TENM3: variants seen among roughly 807,000 people sequenced by gnomAD.
TENM3 encodes the protein teneurin-3.
In TENM3, 63 loss-of-function variants were observed where a neutral mutation model predicts 255.1. The observed-to-expected ratio is 0.25, with a 90% CI of 0.20 to 0.30. The LOEUF (loss-of-function observed/expected upper bound fraction) is 0.30. Ranked by LOEUF, TENM3 falls within the 10% of genes least tolerant of loss-of-function variation. The probability of loss-of-function intolerance (pLI) is 1.00; values close to 1 mark genes in which losing one functional copy is unlikely to be tolerated. For missense variants in TENM3, 2,929 were observed against 3,461.1 expected (o/e 0.85, Z 3.86); for synonymous variants, 1,306 against 1,322.3 (o/e 0.99, Z 0.27).
chr4:181,824,005 A>G, the TENM3 span, among the ~76,000 whole-genome samples: 3 of 152,148 alleles, frequency 2.0e-5, no homozygotes, highest in Admixed American at 1.3e-4. Context: ...TCCTAAAAAG[A>G]TACAGATATA....
At chr4:182,140,292 A>C (rs926902185), upstream of TENM3, among the ~76,000 whole-genome samples, 1 of 152,170 alleles carries the variant, frequency 6.6e-6, no homozygotes, top group Middle Eastern at 3.2e-3. Flanking sequence ...TCTGTTCTAA[A>C]GTGGCCCATC....
intron 23 of TENM3, 125 bp downstream of exon 23, chr4:182,773,772 A>G (rs1764461065): frequency 1.3e-6 from 1 of 773,904 alleles, no homozygotes; most frequent in South Asian, 1.9e-5. Context: ...AATATTGGTG[A>G]CATAATCTAC....
chr4:181,675,683 A>T, the TENM3 span, among the ~76,000 whole-genome samples: 1 of 152,268 alleles, frequency 6.6e-6, no homozygotes, highest in African/African-American at 2.4e-5. Context: ...CATCGGGTAG[A>T]AAGCCTGATT....
chr4:182,689,420 G>A (rs978361452), intron 12 of TENM3, among the ~76,000 whole-genome samples: 2 of 152,160 alleles, frequency 1.3e-5, no homozygotes, highest in African/African-American at 4.8e-5. Flanking sequence ...ATTGTCACAA[G>A]TGTGTCATTA....
At chr4:181,837,991 A>G in the TENM3 span, among the ~76,000 whole-genome samples, 1 of 152,056 alleles carries the variant, frequency 6.6e-6, no homozygotes, top group African/African-American at 2.4e-5. Flanking sequence ...TACAAAAATT[A>G]CCTGGGCGTT....
At chr4:181,868,721 T>G in the TENM3 span, among the ~76,000 whole-genome samples, 1 of 152,200 alleles carries the variant, frequency 6.6e-6, no homozygotes, top group African/African-American at 2.4e-5. Context: ...TTTGCATGGT[T>G]TCTCAAAGCA....
chr4:182,294,776 C>G (rs985996031), intron 1 of TENM3, among the ~76,000 whole-genome samples: 1 of 152,164 alleles, frequency 6.6e-6, no homozygotes, highest in African/African-American at 2.4e-5. Context: ...CGTATAGACA[C>G]AAACTAAAAA....
At chr4:181,651,280 C>T in the TENM3 span, among the ~76,000 whole-genome samples, 109 of 152,244 alleles carry the variant, frequency 7.2e-4, no homozygotes, top group Non-Finnish European at 1.2e-3. Flanking sequence ...ACTATAATCC[C>T]ATGTAATAAA....
chr4:182,691,118 T>C (rs1242454612), intron 12 of TENM3, among the ~76,000 whole-genome samples: 3 of 152,252 alleles, frequency 2.0e-5, no homozygotes, highest in African/African-American at 7.2e-5. Flanking sequence ...CACCATAGTT[T>C]CCTGGTTAGG....
the TENM3 span, among the ~76,000 whole-genome samples, chr4:182,001,245 A>T: frequency 2.0e-5 from 3 of 151,776 alleles, no homozygotes; most frequent in Middle Eastern, 3.2e-3. Flanking sequence ...TTTTCAATAT[A>T]AAAAAAACTC....
the TENM3 span, among the ~76,000 whole-genome samples, chr4:181,609,482 TC>T: frequency 6.6e-6 from 1 of 152,230 alleles, no homozygotes; most frequent in African/African-American, 2.4e-5. Context: ...AGAACAGTTG[TC>T]TGACCTTTTT....
At chr4:182,384,117 C>G (rs1032873704) in intron 3 of TENM3, among the ~76,000 whole-genome samples, 2 of 151,952 alleles carry the variant, frequency 1.3e-5, no homozygotes, top group East Asian at 3.9e-4. Context: ...TGAGAAAAGC[C>G]CTTGGACGTG....
chr4:181,484,179 T>A, the TENM3 span, among the ~76,000 whole-genome samples: 1 of 152,068 alleles, frequency 6.6e-6, no homozygotes, highest in Non-Finnish European at 1.5e-5. Context: ...TACTGTGCTT[T>A]AACATAACAA....
intron 14 of TENM3, 46 bp downstream of exon 14, chr4:182,729,227 C>A: frequency 6.8e-7 from 1 of 1,466,396 alleles, no homozygotes; most frequent in Non-Finnish European, 9.5e-7. Context: ...ATGTTATCAA[C>A]AGTTACATAC....
At chr4:181,856,150 AGGAAAGGGAAGGAAAG>A in the TENM3 span, among the ~76,000 whole-genome samples, 1 of 140,268 alleles carries the variant, frequency 7.1e-6, no homozygotes, top group African/African-American at 2.7e-5. Context: ...GAAGGAAGGA[AGGAAAGGGAAGGAAAG>A]GGAAGGAAAG....
chr4:182,623,972 C>T (rs899171832), intron 4 of TENM3, among the ~76,000 whole-genome samples: 1 of 152,154 alleles, frequency 6.6e-6, no homozygotes, highest in African/African-American at 2.4e-5. Context: ...CGCCTGGATG[C>T]TTCATGCGTT....
the TENM3 span, among the ~76,000 whole-genome samples, chr4:181,846,263 T>A: frequency 3.3e-5 from 5 of 152,204 alleles, no homozygotes; most frequent in African/African-American, 1.2e-4. Context: ...AATTTTGAAA[T>A]GCTATCTTTT....
chr4:182,337,186 GA>G (rs1233362926), intron 2 of TENM3, among the ~76,000 whole-genome samples: 2 of 152,122 alleles, frequency 1.3e-5, no homozygotes, highest in South Asian at 2.1e-4. Flanking sequence ...AAATATAAAA[GA>G]AAAAAATTGA....
At chr4:182,426,624 C>G (rs935096600) in intron 3 of TENM3, among the ~76,000 whole-genome samples, 5 of 152,096 alleles carry the variant, frequency 3.3e-5, no homozygotes, top group Admixed American at 3.3e-4. Flanking sequence ...GCATGTATTT[C>G]AGAATATTTA....
Sources: allele counts gnomAD v4.1 joint callset (sites outside exome capture counted in the v4.1 genomes callset), GRCh38; gene constraint gnomAD v4.1.1; transcripts MANE v1.5; gene names NCBI Gene and HGNC (gene_info 2026-07-23, HGNC 2026-07-21).